Variants in CLIC4 observed in about 807,000 individuals in gnomAD.
The protein encoded by CLIC4 is CLIC family member 4, also known as chloride intracellular channel protein 4.
In CLIC4, 13 loss-of-function variants were observed where a neutral mutation model predicts 24.6. That is an observed-to-expected ratio of 0.53 (90% CI 0.34 to 0.84). The LOEUF (loss-of-function observed/expected upper bound fraction) is 0.84, where lower values mean the gene tolerates loss of function less well. Ranked by LOEUF, CLIC4 falls within the 40% of genes least tolerant of loss-of-function variation. The pLI is 0.01. For missense variants in CLIC4, 227 were observed against 301.7 expected (o/e 0.75, Z 1.83); for synonymous variants, 104 against 111.3 (o/e 0.93, Z 0.41).
chr1:24,805,105 AC>A (rs146527597), intron 2 of CLIC4, among the ~76,000 whole-genome samples: 53,091 of 103,404 alleles, frequency 0.51, 14,024 homozygotes, highest in Non-Finnish European at 0.59. Flanking sequence ...AAAAAAAAAA[AC>A]ACAAAAACAA....
rs1248941030 is a variant in CLIC4, at chr1:24,843,542, C to G, written c.*2605C>G. The G allele has an allele frequency of 6.6e-6, 1 of 152,164 alleles. No individual in the cohort carries two copies. The highest frequency in any genetic ancestry group is 1.5e-5 in the Non-Finnish European group (1 of 68,016). 9.4% of individuals were successfully genotyped at this position (152,164 alleles called of 1,614,324 possible). On this transcript the variant is annotated 3_prime_UTR_variant, in exon 6 of 6. Coordinates refer to ENST00000374379, the MANE Select transcript of CLIC4 (RefSeq NM_013943.3). ...TTTTGTATTCAGCAGTTGGAAAGCT[C>G]TCTATTCTAGTTGATAAAACTTCCC... is the stretch of plus-strand genomic sequence containing the variant.
intron 1 of CLIC4, among the ~76,000 whole-genome samples, chr1:24,758,044 C>T (rs1010985803): frequency 3.3e-5 from 5 of 152,156 alleles, no homozygotes; most frequent in Non-Finnish European, 7.4e-5. Context: ...CAGGTGTGAG[C>T]CACCGTGCCC....
chr1:24,815,713 C>G (rs376556787), intron 3 of CLIC4, among the ~76,000 whole-genome samples: 38 of 152,262 alleles, frequency 2.5e-4, no homozygotes, highest in African/African-American at 8.7e-4. Context: ...AAAGATTTCT[C>G]TGTAACATGC....
chr1:24,817,850 C>T (rs1374853309), intron 3 of CLIC4, among the ~76,000 whole-genome samples: 2 of 152,110 alleles, frequency 1.3e-5, no homozygotes, highest in Non-Finnish European at 2.9e-5. Flanking sequence ...CAACTGTGGG[C>T]TAATTTCAAC....
intron 1 of CLIC4, among the ~76,000 whole-genome samples, chr1:24,761,284 TAAAG>T (rs1638924150): frequency 6.6e-6 from 1 of 151,978 alleles, no homozygotes; most frequent in African/African-American, 2.4e-5. Flanking sequence ...AGGCATATGT[TAAAG>T]AAACATATAA....
At chr1:24,828,170 C>T (rs1639805229) in intron 4 of CLIC4, among the ~76,000 whole-genome samples, 2 of 152,114 alleles carry the variant, frequency 1.3e-5, no homozygotes, top group South Asian at 2.1e-4. Context: ...TTATAAAATG[C>T]TGCAATTTTA....
At chr1:24,799,535 GC>G (rs1235459981) in intron 2 of CLIC4, among the ~76,000 whole-genome samples, 20 of 151,460 alleles carry the variant, frequency 1.3e-4, no homozygotes, top group African/African-American at 4.1e-4. Flanking sequence ...CCGCCCGGCA[GC>G]CCCCCCATCT....
chr1:24,787,699 C>CCTGGTGTGGTG (rs1557802693), intron 1 of CLIC4, among the ~76,000 whole-genome samples: 1 of 150,602 alleles, frequency 6.6e-6, no homozygotes, highest in African/African-American at 2.4e-5. Context: ...CCACGCCAGG[C>CCTGGTGTGGTG]TAATTTTTTT....
At chr1:24,818,597 G>A (rs920120597) in intron 3 of CLIC4, among the ~76,000 whole-genome samples, 3 of 152,060 alleles carry the variant, frequency 2.0e-5, no homozygotes, top group Non-Finnish European at 4.4e-5. Flanking sequence ...CAGTTACTCA[G>A]TATTCATCCA....
intron 1 of CLIC4, among the ~76,000 whole-genome samples, chr1:24,775,674 G>A (rs936296293): frequency 1.1e-4 from 17 of 150,850 alleles, no homozygotes; most frequent in African/African-American, 3.6e-4. Context: ...TTACATTTTT[G>A]TGTGTGATTT....
chr1:24,805,416 G>A (rs912840620), intron 2 of CLIC4, among the ~76,000 whole-genome samples: 1 of 152,036 alleles, frequency 6.6e-6, no homozygotes, highest in Non-Finnish European at 1.5e-5. Context: ...TAGTAGTAAA[G>A]CGTTCTGAAA....
At chr1:24,823,069 G>A (rs1000818511) in intron 3 of CLIC4, among the ~76,000 whole-genome samples, 3 of 152,174 alleles carry the variant, frequency 2.0e-5, no homozygotes, top group Non-Finnish European at 4.4e-5. Flanking sequence ...CTGGAATCTA[G>A]CATTTCTAAT....
At chr1:24,760,781 C>T (rs764499021) in intron 1 of CLIC4, among the ~76,000 whole-genome samples, 20 of 151,982 alleles carry the variant, frequency 1.3e-4, no homozygotes, top group Non-Finnish European at 2.6e-4. Flanking sequence ...ACGATAAATG[C>T]TGGTGATTAA....
chr1:24,779,790 A>G (rs1277546209), intron 1 of CLIC4, among the ~76,000 whole-genome samples: 3 of 151,912 alleles, frequency 2.0e-5, no homozygotes, highest in Admixed American at 6.6e-5. Flanking sequence ...TGCTACCCCA[A>G]TTCAATTTAA....
intron 3 of CLIC4, among the ~76,000 whole-genome samples, chr1:24,826,611 T>A (rs144709348): frequency 6.6e-6 from 1 of 152,376 alleles, no homozygotes; most frequent in East Asian, 1.9e-4. Context: ...CACTAGTGGC[T>A]ACTGTACTGG....
intron 1 of CLIC4, among the ~76,000 whole-genome samples, chr1:24,790,799 T>C (rs1432957760): frequency 6.6e-6 from 1 of 152,112 alleles, no homozygotes; most frequent in Non-Finnish European, 1.5e-5. Context: ...CTCCAGAGGA[T>C]TGGTTACATT....
At chr1:24,805,625 T>C (rs1049172424) in intron 2 of CLIC4, among the ~76,000 whole-genome samples, 4 of 152,168 alleles carry the variant, frequency 2.6e-5, no homozygotes. Flanking sequence ...ATTTAAAAGA[T>C]AAGGCCTACA....
chr1:24,809,897 ATGT>A (rs1056474500), intron 2 of CLIC4, among the ~76,000 whole-genome samples: 1 of 152,186 alleles, frequency 6.6e-6, no homozygotes, highest in Non-Finnish European at 1.5e-5. Context: ...TTGAAACTAT[ATGT>A]TGTTGTATTA....
At chr1:24,810,560 A>G (rs1224807486) in intron 2 of CLIC4, among the ~76,000 whole-genome samples, 2 of 152,166 alleles carry the variant, frequency 1.3e-5, no homozygotes, top group East Asian at 3.9e-4. Flanking sequence ...TTAGAAATTA[A>G]AGTTGAGAAA....
Sources: gnomAD v4.1 joint callset for allele counts (sites outside exome capture counted in the v4.1 genomes callset) on GRCh38, gnomAD v4.1.1 for gene constraint, MANE v1.5 for transcripts, NCBI Gene and HGNC (gene_info 2026-07-23, HGNC 2026-07-21) for gene names.